Variants in E2F7 observed in about 807,000 individuals in gnomAD.
The protein encoded by E2F7 is transcription factor E2F7.
E2F7 carries 35 observed loss-of-function variants against 81.1 expected under a neutral mutation model. The ratio of observed to expected loss-of-function variants is 0.43; its 90% confidence interval spans 0.33 to 0.57. E2F7 has a LOEUF of 0.57. Among genes scored for constraint, E2F7 ranks in the 20% least tolerant of loss-of-function variants. The pLI, the probability that E2F7 is intolerant of heterozygous loss-of-function variation, is 0.04. For missense variants in E2F7, 961 were observed against 1,093.7 expected, an observed-to-expected ratio of 0.88 and a Z score of 1.71; for synonymous variants, 416 against 416.2, an observed-to-expected ratio of 1.00 and a Z score of 0.01.
At chr12:77,024,957 T>C (rs115709397) in intron 12 of E2F7, among the ~76,000 whole-genome samples, 1,585 of 152,002 alleles carry the variant, frequency 0.01, 24 homozygotes, top group African/African-American at 0.035. Flanking sequence ...CAAATGGAGG[T>C]TGGGGGACAA....
In E2F7 at chr12:77,029,849, C is replaced by T. The variant is rs1469496735; in HGVS notation, c.1866G>A (p.Leu622=). The change falls in exon 10 of 13, where the codon CTG becomes CTA. Residue 622 remains leucine, a synonymous_variant. Coordinates refer to ENST00000322886, the MANE Select transcript of E2F7 (RefSeq NM_203394.3). ...RQSREYEDGP[L]SLVMPKKPSD... ...CCCTTACCTTGGGCATGACAAGCGA[C>T]AGCGGGCCGTCTTCATATTCCCTAC... 4.3e-6 allele frequency: 7 copies of T among 1,614,072 alleles called. No individual in the cohort carries two copies. Among genetic ancestry groups the T allele is most frequent in the Non-Finnish European group, 5.1e-6 (6 of 1,180,024 alleles).
At chr12:77,056,788 A>G (rs1374845787) in intron 2 of E2F7, among the ~76,000 whole-genome samples, 1 of 152,032 alleles carries the variant, frequency 6.6e-6, no homozygotes, top group East Asian at 1.9e-4. Flanking sequence ...TGAGTTTGTC[A>G]CTCAAACTGA....
chr12:77,061,051 T>C (rs1218306291), intron 2 of E2F7, among the ~76,000 whole-genome samples: 1 of 152,228 alleles, frequency 6.6e-6, no homozygotes, highest in African/African-American at 2.4e-5. Flanking sequence ...ATACTTCTGA[T>C]TGTGCCTTCT....
At position 77,030,009 on chromosome 12, in the gene E2F7, G is replaced by T; in HGVS notation, c.1706C>A (p.Ser569Ter). 2 of 1,614,140 alleles carry T rather than the reference G, an allele frequency of 1.2e-6. No homozygotes were observed. The highest frequency in any genetic ancestry group is 1.7e-6 in the Non-Finnish European group (2 of 1,180,024). ...GSLQEGPASG[S>*]GSERDDRSSE... ...GCTTCTGTCATCCCTCTCTGACCCT[G>T]ACCCTGACGCTGGTCCCTCCTGCAG... Residue 569 changes from serine (S) to a stop codon, truncating the protein, a stop_gained, in exon 10 of 13, where the codon TCA becomes TAA. Transcript: ENST00000322886. LOFTEE classifies it high-confidence loss of function.
At chr12:77,035,881 C>T (rs1160745144) in intron 7 of E2F7, among the ~76,000 whole-genome samples, 1 of 131,970 alleles carries the variant, frequency 7.6e-6, no homozygotes, top group Admixed American at 8.4e-5. Context: ...TATAAAGGCT[C>T]AAATCAAACT....
chr12:77,055,650 G>A (rs1422699073), intron 3 of E2F7, among the ~76,000 whole-genome samples: 1 of 151,962 alleles, frequency 6.6e-6, no homozygotes, highest in African/African-American at 2.4e-5. Context: ...AATGAGCCCT[G>A]GTCCAGGGAG....
At chr12:77,033,714 T>C in intron 8 of E2F7, 143 bp downstream of exon 8, 4 of 722,998 alleles carry the variant, frequency 5.5e-6, no homozygotes, top group Non-Finnish European at 8.6e-6. Context: ...TCACTTCAGC[T>C]AAGTAAAAAG....
Position 77,049,989 on chromosome 12 carries a change from A to G in E2F7, c.538+587T>C, listed in dbSNP as rs549654362. On this transcript the variant is annotated intron_variant, in intron 4 of 12. Coordinates refer to ENST00000322886, the MANE Select transcript of E2F7 (RefSeq NM_203394.3). ...TCTCTATTCTGAAGCAGGTGTATAC[A>G]TATTTCCAGCACACACACCCATCTC... is the stretch of plus-strand genomic sequence containing the variant. Among the ~76,000 whole-genome samples, 53 of 150,398 alleles carry G rather than the reference A, an allele frequency of 3.5e-4. No individual in the cohort carries two copies. The South Asian group carries it at 0.011, about 31-fold the overall frequency.
Position 77,027,918 on chromosome 12 carries a change from G to A in E2F7, c.2105C>T (p.Ser702Phe). 1 of 1,614,218 alleles carries A rather than the reference G, an allele frequency of 6.2e-7. No homozygotes were observed. Among genetic ancestry groups the A allele is most frequent in the South Asian group, 1.1e-5 (1 of 91,080 alleles). ...CTGCACACAAAGATATTGTAGCAAA[G>A]AAGGCTCTTTGGTGCTTTCATTTTC... ...SKENESTKEP[S>F]LLQYLCVQSP... Residue 702 changes from serine to phenylalanine, a missense_variant, in exon 11 of 13, where the codon TCT (serine) becomes TTT (phenylalanine). Coordinates refer to ENST00000322886, the MANE Select transcript of E2F7 (RefSeq NM_203394.3).
At chr12:77,056,583 G>A (rs1052999426) in intron 2 of E2F7, among the ~76,000 whole-genome samples, 11 of 152,184 alleles carry the variant, frequency 7.2e-5, no homozygotes, top group African/African-American at 2.7e-4. Context: ...GTTAATGGAA[G>A]AGCATCCAAC....
chr12:77,058,443 T>C (rs310794), intron 2 of E2F7, among the ~76,000 whole-genome samples: 129,760 of 152,128 alleles, frequency 0.85, 55,955 homozygotes, highest in East Asian at 1. Context: ...AATTCTACAC[T>C]TAAAAATGAG....
chr12:77,030,495 G>A (rs940346815), intron 9 of E2F7, among the ~76,000 whole-genome samples, 163 bp from the exon 10 acceptor site: 5 of 152,144 alleles, frequency 3.3e-5, no homozygotes, highest in Admixed American at 2.0e-4. Flanking sequence ...AGAGTTAGAC[G>A]CCCAGGTATG....
At chr12:77,042,697 T>C (rs1284654173) in intron 7 of E2F7, among the ~76,000 whole-genome samples, 1 of 152,220 alleles carries the variant, frequency 6.6e-6, no homozygotes, top group Non-Finnish European at 1.5e-5. Flanking sequence ...TTACATTATG[T>C]AGAATTTCAA....
At chr12:77,024,530 G>C (rs1389343000) in intron 12 of E2F7, among the ~76,000 whole-genome samples, 1 of 152,172 alleles carries the variant, frequency 6.6e-6, no homozygotes, top group Non-Finnish European at 1.5e-5. Flanking sequence ...ACTTCACAAG[G>C]TTGTAGGAAT....
Position 77,025,963 on chromosome 12 carries a change from T to C in E2F7, c.2160A>G (p.Val720=). 1 of 1,611,146 alleles carries C rather than the reference T, an allele frequency of 6.2e-7. No homozygotes were observed. Among genetic ancestry groups the C allele is most frequent in the Non-Finnish European group, 8.5e-7 (1 of 1,178,676 alleles). ...GGGGGGTTTGACTGCCAGATAAAAG[T>C]ACATTGAAACCATTTAATCCTGAAA... is the stretch of plus-strand genomic sequence containing the variant. ...QSPAGLNGFN[V]LLSGSQTPPT... is the part of the protein sequence containing the mutation. Residue 720 remains valine, a synonymous_variant, in exon 12 of 13, where the codon GTA becomes GTG. Transcript: ENST00000322886.
At position 77,027,941 on chromosome 12, in the gene E2F7, T is replaced by G. The variant is rs1954772668; in HGVS notation, c.2082A>C (p.Glu694Asp). 2 of 1,614,246 alleles carry G rather than the reference T, an allele frequency of 1.2e-6. No homozygotes were observed. Among genetic ancestry groups the G allele is most frequent in the Non-Finnish European group, 8.5e-7 (1 of 1,180,054 alleles). ...AAGAAGGCTCTTTGGTGCTTTCATTTTCTTTTGAAGGCTTTTCAACATCTG... is the reference window on the plus strand; with the variant it reads ...AAGAAGGCTCTTTGGTGCTTTCATTGTCTTTTGAAGGCTTTTCAACATCTG... ...RNTDVEKPSK[E>D]NESTKEPSLL... Residue 694 changes from glutamate (E) to aspartate (D), a missense_variant, in exon 11 of 13, where the codon GAA (glutamate) becomes GAC (aspartate). Glu to Asp is a conservative substitution (Grantham distance 45). Transcript: ENST00000322886.
chr12:77,042,265 A>G (rs1293084110), intron 7 of E2F7, among the ~76,000 whole-genome samples: 1 of 152,200 alleles, frequency 6.6e-6, no homozygotes, highest in African/African-American at 2.4e-5. Flanking sequence ...AATTTGTTAT[A>G]CTTGATTTTA....
At chr12:77,056,177 T>A in intron 2 of E2F7, 47 bp from the exon 3 acceptor site, 1 of 1,526,230 alleles carries the variant, frequency 6.6e-7, no homozygotes. Context: ...AGGGCAGGTA[T>A]CAGCTAAGAG....
chr12:77,055,129 T>C (rs376773315), intron 3 of E2F7, among the ~76,000 whole-genome samples: 4 of 152,222 alleles, frequency 2.6e-5, no homozygotes, highest in East Asian at 1.9e-4. Context: ...CTACTACCGC[T>C]ACTCTACCAC....
Sources: allele counts gnomAD v4.1 joint callset (sites outside exome capture counted in the v4.1 genomes callset), GRCh38; gene constraint gnomAD v4.1.1; transcripts MANE v1.5; gene names NCBI Gene and HGNC (gene_info 2026-07-23, HGNC 2026-07-21).